SMARCA4: variants seen among roughly 807,000 people sequenced by gnomAD.
The protein encoded by SMARCA4 is SWI/SNF related BAF chromatin remodeling complex subunit ATPase 4, also known as SWI/SNF-related matrix-associated actin-dependent regulator of chromatin subfamily A member 4.
A neutral mutation model predicts 193.9 loss-of-function variants in SMARCA4; 31 were observed. The ratio of observed to expected loss-of-function variants is 0.16; its 90% CI spans 0.12 to 0.22. The LOEUF (loss-of-function observed/expected upper bound fraction) is 0.22, where lower values mean the gene tolerates loss of function less well. Among genes scored for constraint, SMARCA4 ranks in the 10% least tolerant of loss-of-function variants. SMARCA4 has a pLI of 1.00. For missense variants in SMARCA4, 1,148 were observed against 2,296.0 expected (o/e 0.50, Z 10.22); for synonymous variants, 942 against 933.1 (o/e 1.01, Z -0.17).
At chr19:11,025,383 G>T (rs1204901271) in intron 21 of SMARCA4, 39 bp from the exon 22 acceptor site, 5 of 1,464,456 alleles carry the variant, frequency 3.4e-6, no homozygotes, top group South Asian at 1.1e-5. Flanking sequence ...ACCCCAGGAG[G>T]GCAAGACCCC....
At chr19:10,972,812 C>T (rs529875703) in intron 1 of SMARCA4, among the ~76,000 whole-genome samples, 11 of 152,200 alleles carry the variant, frequency 7.2e-5, no homozygotes, top group Admixed American at 2.0e-4. Context: ...CTCGGCCAGC[C>T]GAAAAGAAAG....
chr19:11,052,203 T>C lies in SMARCA4; in HGVS notation c.4425-6052T>C, dbSNP rs58183075. Among the ~76,000 whole-genome samples, 24 of 152,188 alleles carry C rather than the reference T, an allele frequency of 1.6e-4. No individual in the cohort carries two copies. In the East Asian group the frequency reaches 3.9e-3, roughly 25 times the overall value. Reference sequence around the variant, plus strand: ...AAAGAAATAAGGTCAGGAGACAAGATTGAGTGACTGTGAAACATCAACAAT... The same window carrying C: ...AAAGAAATAAGGTCAGGAGACAAGACTGAGTGACTGTGAAACATCAACAAT... On this transcript the variant is annotated intron_variant, in intron 30 of 34. Coordinates refer to ENST00000344626, the MANE Select transcript of SMARCA4 (RefSeq NM_003072.5).
At chr19:11,057,330 G>A (rs1175512942) in intron 30 of SMARCA4, among the ~76,000 whole-genome samples, 2 of 152,204 alleles carry the variant, frequency 1.3e-5, no homozygotes. Flanking sequence ...CGCTGTGCAC[G>A]AGGCCTGGCA....
Position 10,986,081 on chromosome 19 carries a change from C to G in SMARCA4, c.356-108C>G. 1.0e-6 allele frequency: 1 copy of G among 957,180 alleles called. No homozygotes were observed. Among genetic ancestry groups the G allele is most frequent in the South Asian group, 1.3e-5 (1 of 74,274 alleles). 59.3% of individuals were successfully genotyped at this position (957,180 alleles called of 1,614,324 possible). A position where few individuals can be genotyped will look rare whatever the true frequency, so the allele number is the denominator to read the frequency against. On this transcript the variant is annotated intron_variant, in intron 3 of 34. Transcript: ENST00000344626. This position sits in a 1 kb window ranked among gnomAD's most constrained non-coding sequence, Gnocchi z 6.7. ...CCTGGTTGACTCAAGAGAAGGATGC[C>G]ATTTGGCTGTGCCCTGTCTCAGAGT...
rs11537673 is a variant in SMARCA4, at chr19:10,986,332, C to T, written c.499C>T (p.Arg167Trp). 8.1e-6 allele frequency: 13 copies of T among 1,613,238 alleles called. No homozygotes were observed. The highest frequency in any genetic ancestry group is 5.0e-5 in the Admixed American group (3 of 59,892). Reference sequence around the variant, plus strand: ...CCCCCAGGCCTTGGGGCAGCAGAACCGGGGCCCAACCCCATTTAACCAGAA... The same window carrying T: ...CCCCCAGGCCTTGGGGCAGCAGAACTGGGGCCCAACCCCATTTAACCAGAA... ...ADPQALGQQN[R>W]GPTPFNQNQL... Residue 167 changes from arginine (R) to tryptophan (W), a missense_variant, in exon 4 of 35, where the codon CGG becomes TGG. By Grantham distance (101) the Arg-to-Trp change is moderately radical. This residue lies in a region of SMARCA4 where 201 missense variants were observed against 248.3 expected (regional missense o/e 0.81). Coordinates refer to ENST00000344626, the MANE Select transcript of SMARCA4 (RefSeq NM_003072.5). This position sits in a 1 kb window ranked among gnomAD's most constrained non-coding sequence, Gnocchi z 6.7.
At chr19:11,024,652 C>T (rs1350674692) in intron 21 of SMARCA4, among the ~76,000 whole-genome samples, 1 of 152,106 alleles carries the variant, frequency 6.6e-6, no homozygotes. Flanking sequence ...AACACTGGCT[C>T]CTTCTGCAAT....
intron 8 of SMARCA4, among the ~76,000 whole-genome samples, chr19:10,994,074 C>CT (rs2145922967): frequency 6.6e-6 from 1 of 152,136 alleles, no homozygotes; most frequent in African/African-American, 2.4e-5. Flanking sequence ...GAGTCTCACT[C>CT]TGTCACCCAG....
In SMARCA4 at chr19:10,984,607, T is replaced by C. The variant is rs763609893; in HGVS notation, c.222+234T>C. On this transcript the variant is annotated intron_variant, in intron 2 of 34. Transcript: ENST00000344626. This position sits in a 1 kb window ranked among gnomAD's most constrained non-coding sequence, Gnocchi z 4.3. Reference sequence around the variant, plus strand: ...GGCCCCGCGGGCACCTGCCCCACCGTTTCCCGCTCCCTTGCTTTCTGCATG... The same window carrying C: ...GGCCCCGCGGGCACCTGCCCCACCGCTTCCCGCTCCCTTGCTTTCTGCATG... Among the ~76,000 whole-genome samples the C allele has an allele frequency of 2.0e-5, 3 of 152,272 alleles. No homozygotes were observed. The East Asian group carries it at 5.8e-4, about 29-fold the overall frequency.
intron 16 of SMARCA4, among the ~76,000 whole-genome samples, chr19:11,013,856 A>G (rs2089097297): frequency 6.6e-6 from 1 of 152,040 alleles, no homozygotes; most frequent in South Asian, 2.1e-4. Context: ...ACACCCTGAG[A>G]GGCTCTCACT....
chr19:10,961,565 A>G (rs959989920), intron 1 of SMARCA4: 1 of 152,196 alleles, frequency 6.6e-6, no homozygotes, highest in Non-Finnish European at 1.5e-5. Context: ...GCTGCGTGGT[A>G]ACGGGTCCGA....
rs2145762065 is a variant in SMARCA4, at chr19:10,985,835, CAG to C, written c.356-353_356-352del. ...TTGCTGTCATCAGGGGTGGGAAGCT[CAG>C]GGGCTGCACTGGGAATGGAAGTGTT... On this transcript the variant is annotated intron_variant, in intron 3 of 34. Transcript: ENST00000344626. The surrounding 1 kb of genome is among the most constrained non-coding windows in gnomAD (Gnocchi z 4.5). 6.6e-6 allele frequency among the ~76,000 whole-genome samples: 1 copy of C among 152,216 alleles called. No homozygotes were observed. The highest frequency in any genetic ancestry group is 2.4e-5 in the African/African-American group (1 of 41,526).
chr19:10,996,180 C>T (rs181080691), intron 9 of SMARCA4, 33 bp from the exon 10 acceptor site: 4 of 1,612,128 alleles, frequency 2.5e-6, no homozygotes, highest in East Asian at 4.5e-5. Flanking sequence ...CACATTGTGC[C>T]ACCACATTGC....
chr19:10,989,207 C>T, intron 6 of SMARCA4, 110 bp from the exon 7 acceptor site: 11 of 1,385,796 alleles, frequency 7.9e-6, no homozygotes, highest in Non-Finnish European at 1.1e-5. Context: ...CATCTCTTGC[C>T]TCATGACTAG....
At position 11,013,128 on chromosome 19, in the gene SMARCA4, C is replaced by T. The variant is rs1181330286; in HGVS notation, c.2438+16C>T. The T allele has an allele frequency of 6.2e-7, 1 of 1,613,602 alleles. No homozygotes were observed. The highest frequency in any genetic ancestry group is 8.5e-7 in the Non-Finnish European group (1 of 1,179,752). On this transcript the variant is annotated intron_variant, in intron 16 of 34. Transcript: ENST00000344626. ...TGCCTCTCTCGTGAGTACCCGCTGC[C>T]AGCAACATCCCACACGCCGCTCACA... is the stretch of plus-strand genomic sequence containing the variant.
intron 1 of SMARCA4, among the ~76,000 whole-genome samples, chr19:10,972,876 C>CAGGA (rs1412270734): frequency 5.9e-5 from 9 of 152,140 alleles, no homozygotes; most frequent in Non-Finnish European, 1.3e-4. Flanking sequence ...TTTGGGAGGC[C>CAGGA]AAAGTGGACG....
At chr19:10,976,267 G>A (rs894121201) in intron 1 of SMARCA4, among the ~76,000 whole-genome samples, 1 of 152,178 alleles carries the variant, frequency 6.6e-6, no homozygotes, top group African/African-American at 2.4e-5. Flanking sequence ...GGCCGTGCTC[G>A]TTTGGCCTTC....
chr19:11,039,730 C>T (rs1285901838), intron 29 of SMARCA4: 10 of 395,526 alleles, frequency 2.5e-5, no homozygotes, highest in South Asian at 8.1e-5. Context: ...GGGAAGATCA[C>T]TTGAGCCCAG....
intron 9 of SMARCA4, 193 bp downstream of exon 9, chr19:10,995,194 G>C: frequency 1.4e-6 from 1 of 692,486 alleles, no homozygotes; most frequent in Non-Finnish European, 2.6e-6. Flanking sequence ...CTGATCATCA[G>C]AATGACTGTG....
At chr19:11,002,519 G>T (rs762530410) in intron 11 of SMARCA4, among the ~76,000 whole-genome samples, 1 of 151,444 alleles carries the variant, frequency 6.6e-6, no homozygotes, top group Admixed American at 6.6e-5. Context: ...AAAATGGGCC[G>T]AGCATAGTGG....
Sources: gnomAD v4.1 joint callset for allele counts (sites outside exome capture counted in the v4.1 genomes callset) on GRCh38, gnomAD v4.1.1 for gene constraint, gnomAD v4.1.1 regional missense constraint, Gnocchi (gnomAD v3.1) non-coding constraint, MANE v1.5 for transcripts, NCBI Gene and HGNC (gene_info 2026-07-23, HGNC 2026-07-21) for gene names.